The following NFIB variants were observed in gnomAD, a reference collection of about 807,000 sequenced individuals.
NFIB encodes the protein nuclear factor I B, also known as nuclear factor 1 B-type.
In NFIB, 11 loss-of-function variants were observed where a neutral mutation model predicts 61.5. That is an observed-to-expected ratio of 0.18 (90% CI 0.11 to 0.30). The LOEUF (loss-of-function observed/expected upper bound fraction) is 0.30. Among genes scored for constraint, NFIB ranks in the 10% least tolerant of loss-of-function variants. The pLI, the probability that NFIB is intolerant of heterozygous loss-of-function variation, is 1.00. For synonymous variants in NFIB, 260 were observed against 216.5 expected (o/e 1.20, Z -1.76); for missense variants, 471 against 608.9 (o/e 0.77, Z 2.38).
chr9:14,453,895 A>G, the NFIB span, among the ~76,000 whole-genome samples: 1 of 151,872 alleles, frequency 6.6e-6, no homozygotes, highest in Non-Finnish European at 1.5e-5. Context: ...ACCCTGGCCA[A>G]CATGGTGAAA....
intron 3 of NFIB, among the ~76,000 whole-genome samples, chr9:14,165,512 A>G (rs1241711916): frequency 6.6e-6 from 1 of 152,212 alleles, no homozygotes; most frequent in Admixed American, 6.5e-5. Context: ...ATTACGATAG[A>G]GGAAAAAGTC....
upstream of NFIB, among the ~76,000 whole-genome samples, chr9:14,315,639 G>T (rs1393324050): frequency 1.3e-5 from 2 of 148,544 alleles, no homozygotes; most frequent in Non-Finnish European, 1.5e-5. Flanking sequence ...CCGCGGCGCT[G>T]CCCCGCCCCC....
chr9:14,432,268 C>T, the NFIB span, among the ~76,000 whole-genome samples: 4 of 152,266 alleles, frequency 2.6e-5, no homozygotes, highest in Non-Finnish European at 4.4e-5. Context: ...ATGTTTCTTG[C>T]CATGTAGAAG....
chr9:14,147,228 A>G (rs773359884), intron 5 of NFIB, among the ~76,000 whole-genome samples: 10 of 152,170 alleles, frequency 6.6e-5, no homozygotes, highest in South Asian at 2.1e-4. Flanking sequence ...AAGGTAATAA[A>G]GTAAAACAAG....
chr9:14,121,855 ATAAT>A (rs1000647143), intron 7 of NFIB, among the ~76,000 whole-genome samples: 9 of 152,160 alleles, frequency 5.9e-5, no homozygotes, highest in Non-Finnish European at 7.4e-5. Flanking sequence ...TAGTATTCTT[ATAAT>A]TTATTGTTCA....
At chr9:14,228,197 C>A (rs1302685520) in intron 2 of NFIB, among the ~76,000 whole-genome samples, 5 of 132,564 alleles carry the variant, frequency 3.8e-5, no homozygotes, top group African/African-American at 1.4e-4. Context: ...CTTTATGATT[C>A]TTTTTTTTTT....
intron 1 of NFIB, among the ~76,000 whole-genome samples, chr9:14,346,770 T>C (rs1588344451): frequency 6.6e-6 from 1 of 152,186 alleles, no homozygotes; most frequent in Non-Finnish European, 1.5e-5. Context: ...CAAGGAGTTA[T>C]AGAACCTTGA....
intron 1 of NFIB, among the ~76,000 whole-genome samples, chr9:14,319,189 T>TAA (rs77773525): frequency 2.9e-5 from 4 of 137,848 alleles, no homozygotes; most frequent in Admixed American, 2.2e-4. Flanking sequence ...CTCCACTGTT[T>TAA]AAAAAAAAAA....
At chr9:14,349,985 C>T (rs1183705467) in intron 1 of NFIB, among the ~76,000 whole-genome samples, 1 of 152,166 alleles carries the variant, frequency 6.6e-6, no homozygotes, top group Admixed American at 6.5e-5. Context: ...CTTTGGATTG[C>T]CCATGATCTC....
chr9:14,411,399 T>C, the NFIB span, among the ~76,000 whole-genome samples: 2 of 152,196 alleles, frequency 1.3e-5, no homozygotes, highest in Non-Finnish European at 2.9e-5. Flanking sequence ...AAGCTCCTCA[T>C]GCAGGGGGGT....
At chr9:14,506,996 C>G in the NFIB span, among the ~76,000 whole-genome samples, 5 of 152,006 alleles carry the variant, frequency 3.3e-5, no homozygotes, top group African/African-American at 1.2e-4. Flanking sequence ...TATCTACAGG[C>G]GACACCATAA....
At chr9:14,109,938 A>G (rs1474474547) in intron 10 of NFIB, among the ~76,000 whole-genome samples, 1 of 152,128 alleles carries the variant, frequency 6.6e-6, no homozygotes, top group Non-Finnish European at 1.5e-5. Context: ...AATAATTATT[A>G]TAAAAAGGAA....
chr9:14,518,860 G>A, the NFIB span, among the ~76,000 whole-genome samples: 1 of 152,046 alleles, frequency 6.6e-6, no homozygotes, highest in Non-Finnish European at 1.5e-5. Flanking sequence ...TCCCTCTCTG[G>A]ATCGGAGCAG....
the NFIB span, among the ~76,000 whole-genome samples, chr9:14,525,124 C>A: frequency 2.0e-5 from 3 of 152,168 alleles, no homozygotes; most frequent in African/African-American, 7.2e-5. Flanking sequence ...AATCCCAGAG[C>A]TCTACAGTTC....
chr9:14,510,357 T>A, the NFIB span, among the ~76,000 whole-genome samples: 1 of 152,128 alleles, frequency 6.6e-6, no homozygotes, highest in Non-Finnish European at 1.5e-5. Context: ...CTTAAGAAGG[T>A]ACCCAATGAG....
chr9:14,338,166 A>C (rs1462397046), intron 1 of NFIB, among the ~76,000 whole-genome samples: 1 of 152,140 alleles, frequency 6.6e-6, no homozygotes. Context: ...AGGCCGAGGC[A>C]GGCGGATCAC....
the NFIB span, among the ~76,000 whole-genome samples, chr9:14,496,584 T>C: frequency 6.6e-6 from 1 of 152,236 alleles, no homozygotes; most frequent in African/African-American, 2.4e-5. Flanking sequence ...CTTTGCTCCA[T>C]CTTAGTTGTC....
chr9:14,359,552 G>C (rs1319165580), intron 1 of NFIB, among the ~76,000 whole-genome samples: 1 of 152,184 alleles, frequency 6.6e-6, no homozygotes, highest in Non-Finnish European at 1.5e-5. Flanking sequence ...CTTGACTTTG[G>C]ACTAGTGGCC....
chr9:14,324,511 A>C (rs1319655589), intron 1 of NFIB, among the ~76,000 whole-genome samples: 1 of 152,140 alleles, frequency 6.6e-6, no homozygotes, highest in Non-Finnish European at 1.5e-5. Flanking sequence ...AATCCCTCCC[A>C]ATGTCATTAC....
Sources: allele counts gnomAD v4.1 joint callset (sites outside exome capture counted in the v4.1 genomes callset), GRCh38; gene constraint gnomAD v4.1.1; transcripts MANE v1.5; gene names NCBI Gene and HGNC (gene_info 2026-07-23, HGNC 2026-07-21).